The following TDRD10 variants were observed in gnomAD, a reference collection of about 807,000 sequenced individuals.
TDRD10 encodes the protein tudor domain containing 10.
Under a neutral mutation model 48.0 loss-of-function variants are expected in TDRD10, and 40 were observed. The observed-to-expected ratio is 0.83, with a 90% CI of 0.65 to 1.09. TDRD10 has a LOEUF of 1.09. TDRD10 is among the 50% of genes least tolerant of loss of function. TDRD10 has a pLI of 0.00. For missense variants in TDRD10, 378 were observed against 434.7 expected (o/e 0.87, Z 1.16); for synonymous variants, 162 against 170.4 (o/e 0.95, Z 0.38).
intron 6 of TDRD10, among the ~76,000 whole-genome samples, chr1:154,526,064 G>C (rs1406746120): frequency 6.6e-6 from 1 of 151,416 alleles, no homozygotes; most frequent in Non-Finnish European, 1.5e-5. Context: ...AATTAGCCAG[G>C]CGTGGTGGCG....
chr1:154,517,278 A>G (rs1267286339), intron 4 of TDRD10, among the ~76,000 whole-genome samples: 1 of 152,180 alleles, frequency 6.6e-6, no homozygotes, highest in Non-Finnish European at 1.5e-5. Flanking sequence ...TGCTTTGATC[A>G]TGTCCATGTT....
intron 4 of TDRD10, among the ~76,000 whole-genome samples, chr1:154,510,842 C>A (rs887989580): frequency 6.6e-6 from 1 of 151,274 alleles, no homozygotes; most frequent in Non-Finnish European, 1.5e-5. Context: ...TTCAGGAGCT[C>A]GAGATCATCC....
chr1:154,503,739 A>T (rs1229499965), intron 1 of TDRD10, among the ~76,000 whole-genome samples: 1 of 152,244 alleles, frequency 6.6e-6, no homozygotes, highest in East Asian at 1.9e-4. Flanking sequence ...CAATGGAAAC[A>T]GAATGATGGC....
At position 154,528,852 on chromosome 1, in the gene TDRD10, T is replaced by G. The variant is rs145012219; in HGVS notation, c.369+7373T>G. 1.1e-4 allele frequency among the ~76,000 whole-genome samples: 17 copies of G among 152,262 alleles called. No individual in the cohort carries two copies. In the East Asian group the frequency reaches 3.1e-3, roughly 28 times the overall value. On this transcript the variant is annotated intron_variant, in intron 6 of 12. Coordinates refer to ENST00000368482, the MANE Select transcript of TDRD10 (RefSeq NM_182499.4). ...AATAATAAAGATAAATAGAATTCCA[T>G]TTTTATTTACAGTGTTAAGTGCATC... is the stretch of plus-strand genomic sequence containing the variant.
In TDRD10 at chr1:154,544,062, G is replaced by T. The variant is rs532940684; in HGVS notation, c.603G>T (p.Thr201=). The part of the protein sequence containing the change: ...SVRGEAGLLV[T]SIVPKTPFFW... ...GTGGGGAGGCGGGGCTGCTGGTGAC[G>T]AGTATCGTCCCGAAGACCCCGTTTT... The change falls in exon 9 of 13, where the codon ACG becomes ACT. Residue 201 remains threonine, a synonymous_variant. Transcript: ENST00000368482. The T allele has an allele frequency of 2.5e-6, 4 of 1,614,202 alleles. No individual in the cohort carries two copies. The highest frequency in any genetic ancestry group is 3.4e-6 in the Non-Finnish European group (4 of 1,180,022).
Position 154,529,690 on chromosome 1 carries a change from C to T in TDRD10, c.369+8211C>T, listed in dbSNP as rs375399818. 2.3e-4 allele frequency among the ~76,000 whole-genome samples: 35 copies of T among 151,896 alleles called. No homozygotes were observed. In the East Asian group the frequency reaches 4.9e-3, roughly 21 times the overall value. On this transcript the variant is annotated intron_variant, in intron 6 of 12. Transcript: ENST00000368482. ...CCTCCCAAGTAGCTGAGATTATAGGCGCCCACCACCACACCGGCTAATTTT... is the reference window on the plus strand; with the variant it reads ...CCTCCCAAGTAGCTGAGATTATAGGTGCCCACCACCACACCGGCTAATTTT...
intron 4 of TDRD10, among the ~76,000 whole-genome samples, 176 bp downstream of exon 4, chr1:154,508,657 C>T (rs1693281210): frequency 6.6e-6 from 1 of 152,158 alleles, no homozygotes. Flanking sequence ...TTGGACTTTC[C>T]CAGTTTTAGC....
chr1:154,535,143 G>C (rs1274961929), intron 6 of TDRD10, among the ~76,000 whole-genome samples: 1 of 152,160 alleles, frequency 6.6e-6, no homozygotes, highest in Non-Finnish European at 1.5e-5. Flanking sequence ...GAGGTGGGCG[G>C]ATCACTTGAA....
chr1:154,547,271 A>G, intron 11 of TDRD10, 138 bp from the exon 12 acceptor site: 1 of 797,516 alleles, frequency 1.3e-6, no homozygotes, highest in East Asian at 2.6e-5. Flanking sequence ...TTTAGCAGGA[A>G]CTAGCAGAGA....
chr1:154,547,443 C>T lies in TDRD10; in HGVS notation c.987C>T (p.Ile329=). ...ILSSYEVVHR[I]LKGKITGALN... ...GTTCGTATGAGGTTGTCCATCGAAT[C>T]CTCAAAGGGAAAATCACTGGTGCTT... is the stretch of plus-strand genomic sequence containing the variant. Residue 329 remains isoleucine, a synonymous_variant, in exon 12 of 13, where the codon ATC becomes ATT. Coordinates refer to ENST00000368482, the MANE Select transcript of TDRD10 (RefSeq NM_182499.4). 1 of 1,614,224 alleles carries T rather than the reference C, an allele frequency of 6.2e-7. No individual in the cohort carries two copies. Among genetic ancestry groups the T allele is most frequent in the Non-Finnish European group, 8.5e-7 (1 of 1,180,042 alleles).
intron 4 of TDRD10, among the ~76,000 whole-genome samples, chr1:154,511,056 A>AT (rs1693442616): frequency 6.6e-6 from 1 of 151,832 alleles, no homozygotes; most frequent in African/African-American, 2.4e-5. Flanking sequence ...AAAAAAAAAA[A>AT]AATTTAAAAT....
At chr1:154,533,902 T>A (rs60517897) in intron 6 of TDRD10, among the ~76,000 whole-genome samples, 87,383 of 145,920 alleles carry the variant, frequency 0.6, 26,363 homozygotes, top group South Asian at 0.69. Context: ...TATTTTTTTT[T>A]AATTTTCTAT....
In TDRD10 at chr1:154,528,937, T is replaced by G. The variant is rs560651203; in HGVS notation, c.369+7458T>G. On this transcript the variant is annotated intron_variant, in intron 6 of 12. Transcript: ENST00000368482. ...GTTACATTATTACATTATATACACA[T>G]AACTTATAGCCTACTCTTGTTGGTT... Among the ~76,000 whole-genome samples the G allele has an allele frequency of 3.9e-5, 6 of 152,372 alleles. No individual in the cohort carries two copies. In the South Asian group the frequency reaches 1.2e-3, roughly 32 times the overall value.
At chr1:154,543,232 G>A (rs1695349023) in intron 8 of TDRD10, among the ~76,000 whole-genome samples, 1 of 152,114 alleles carries the variant, frequency 6.6e-6, no homozygotes, top group Non-Finnish European at 1.5e-5. Flanking sequence ...CCGAGATTGT[G>A]CCACTGCAGT....
chr1:154,508,369 C>G (rs1693265504), intron 3 of TDRD10, 54 bp from the exon 4 acceptor site: 1 of 1,251,448 alleles, frequency 8.0e-7, no homozygotes, highest in African/African-American at 1.5e-5. Flanking sequence ...TCTGACTCCT[C>G]TGAATCCTCT....
At position 154,547,422 on chromosome 1, in the gene TDRD10, G is replaced by A. The variant is rs768984702; in HGVS notation, c.966G>A (p.Ser322=). Residue 322 remains serine, a synonymous_variant, in exon 12 of 13, where the codon TCG becomes TCA. Coordinates refer to ENST00000368482, the MANE Select transcript of TDRD10 (RefSeq NM_182499.4). ...PFMLEKDILS[S]YEVVHRILKG... is the part of the protein sequence containing the mutation. ...CTTGTTTTGCAGACATTTTGAGTTCGTATGAGGTTGTCCATCGAATCCTCA... is the reference window on the plus strand; with the variant it reads ...CTTGTTTTGCAGACATTTTGAGTTCATATGAGGTTGTCCATCGAATCCTCA... 5.6e-6 allele frequency: 9 copies of A among 1,614,156 alleles called. No homozygotes were observed. Among genetic ancestry groups the A allele is most frequent in the East Asian group, 2.2e-5 (1 of 44,874 alleles).
chr1:154,503,213 G>A (rs1227894956), intron 1 of TDRD10, among the ~76,000 whole-genome samples, 184 bp downstream of exon 1: 2 of 152,174 alleles, frequency 1.3e-5, no homozygotes, highest in South Asian at 2.1e-4. Context: ...TTGTGCGGGC[G>A]GGGAGTGCCG....
intron 10 of TDRD10, 38 bp downstream of exon 10, chr1:154,544,555 C>A: frequency 6.3e-7 from 1 of 1,592,750 alleles, no homozygotes; most frequent in Non-Finnish European, 8.6e-7. Context: ...ATGGGAGAGG[C>A]GTGCAGGGAA....
chr1:154,546,466 CATAT>C (rs886199458), intron 11 of TDRD10, among the ~76,000 whole-genome samples: 1 of 141,112 alleles, frequency 7.1e-6, no homozygotes, highest in African/African-American at 2.6e-5. Flanking sequence ...TATTATGTAA[CATAT>C]ATAATATATA....
Sources: allele counts gnomAD v4.1 joint callset (sites outside exome capture counted in the v4.1 genomes callset), GRCh38; gene constraint gnomAD v4.1.1; transcripts MANE v1.5; gene names NCBI Gene and HGNC (gene_info 2026-07-23, HGNC 2026-07-21).